Variants in EPN2 observed in about 807,000 individuals in gnomAD.
The protein encoded by EPN2 is epsin-2.
In EPN2, 34 loss-of-function variants were observed where a neutral mutation model predicts 61.7. That is an observed-to-expected ratio of 0.55 (90% CI 0.42 to 0.73). The LOEUF (loss-of-function observed/expected upper bound fraction) is 0.73, where lower values mean the gene tolerates loss of function less well. Among genes scored for constraint, EPN2 ranks in the 30% least tolerant of loss-of-function variants. The pLI is 0.00. For synonymous variants in EPN2, 349 were observed against 353.6 expected (o/e 0.99, Z 0.15); for missense variants, 714 against 839.2 (o/e 0.85, Z 1.84).
chr17:19,280,296 A>G (rs1382995845), intron 1 of EPN2, among the ~76,000 whole-genome samples: 1 of 152,220 alleles, frequency 6.6e-6, no homozygotes, highest in Non-Finnish European at 1.5e-5. Context: ...GAACATTACT[A>G]TTGATTTTGA....
At chr17:19,302,315 A>G (rs1905570934) in intron 4 of EPN2, among the ~76,000 whole-genome samples, 1 of 152,160 alleles carries the variant, frequency 6.6e-6, no homozygotes, top group Admixed American at 6.5e-5. Context: ...AGATGAGAAA[A>G]CAGGCACTGA....
chr17:19,275,162 T>TG lies in EPN2; in HGVS notation c.-293-6787dup, dbSNP rs144207718. Among the ~76,000 whole-genome samples the TG allele has an allele frequency of 6.5e-3, 986 of 152,244 alleles. 53 individuals carry two copies. The East Asian group carries it at 0.12, about 18-fold the overall frequency. On this transcript the variant is annotated intron_variant, in intron 1 of 10. Coordinates refer to ENST00000314728, the MANE Select transcript of EPN2 (RefSeq NM_014964.5). ...TCTTGGGTTGTGGGTCAACTGTGGC[T>TG]GGGGGGAGCCTGACTGATGTCTCTG...
At chr17:19,323,224 A>G (rs1479635851) in intron 7 of EPN2, among the ~76,000 whole-genome samples, 1 of 152,100 alleles carries the variant, frequency 6.6e-6, no homozygotes, top group Non-Finnish European at 1.5e-5. Flanking sequence ...CAAGGGGGGG[A>G]TTCCAGAGGA....
chr17:19,313,909 TG>T (rs759923928), intron 7 of EPN2, among the ~76,000 whole-genome samples: 4 of 152,192 alleles, frequency 2.6e-5, no homozygotes, highest in Non-Finnish European at 5.9e-5. Context: ...GGCAGGAGCA[TG>T]GCCCAGCAGG....
intron 1 of EPN2, chr17:19,273,983 T>C (rs1193754427): frequency 1.3e-5 from 2 of 152,282 alleles, no homozygotes; most frequent in Admixed American, 6.5e-5. Flanking sequence ...TTTGGTCATG[T>C]GGTCTGTGGT....
At chr17:19,289,124 A>G (rs4079586) in intron 4 of EPN2, among the ~76,000 whole-genome samples, 135,115 of 139,290 alleles carry the variant, frequency 0.97, 65,703 homozygotes, top group African/African-American at 0.99. Context: ...TTGCACTGTC[A>G]CCCAGGCTGG....
intron 4 of EPN2, among the ~76,000 whole-genome samples, chr17:19,289,156 C>T (rs2045435190): frequency 1.3e-5 from 2 of 148,530 alleles, no homozygotes; most frequent in Admixed American, 1.4e-4. Flanking sequence ...ACGATCTCCG[C>T]TTACTGCAAG....
At chr17:19,319,891 G>A (rs971840942) in intron 7 of EPN2, among the ~76,000 whole-genome samples, 1 of 152,202 alleles carries the variant, frequency 6.6e-6, no homozygotes, top group Non-Finnish European at 1.5e-5. Flanking sequence ...TGATCCACCC[G>A]CCTCGGCCTC....
intron 1 of EPN2, among the ~76,000 whole-genome samples, chr17:19,248,043 G>A (rs1305118324): frequency 2.0e-5 from 3 of 152,200 alleles, no homozygotes; most frequent in Non-Finnish European, 4.4e-5. Flanking sequence ...CTCATAGTCT[G>A]TGTGGGTTGA....
At chr17:19,238,849 G>A (rs1475630331) in intron 1 of EPN2, among the ~76,000 whole-genome samples, 8 of 152,200 alleles carry the variant, frequency 5.3e-5, no homozygotes, top group Non-Finnish European at 1.2e-4. Context: ...TTGGAACAGG[G>A]TGTTAAAATG....
chr17:19,334,160 C>T lies in EPN2; in HGVS notation c.1832C>T (p.Pro611Leu). ...GGGGCCACTGGTTCCTCTCTGACAC[C>T]ACTGGGCCCTGCAATGATGAACATG... ...ALGATGSSLT[P>L]LGPAMMNMVG... The change falls in exon 11 of 11, where the codon CCA (proline) becomes CTA (leucine). Residue 611 changes from proline to leucine, a missense_variant. By Grantham distance (98) the Pro-to-Leu change is moderately conservative. Transcript: ENST00000314728. The surrounding 1 kb of genome is among the most constrained non-coding windows in gnomAD (Gnocchi z 4.9). The T allele has an allele frequency of 6.2e-7, 1 of 1,600,860 alleles. No homozygotes were observed. Among genetic ancestry groups the T allele is most frequent in the Non-Finnish European group, 8.5e-7 (1 of 1,172,760 alleles).
rs374463577 is a variant in EPN2, at chr17:19,284,426, C to A, written c.595+712C>A. 8.5e-5 allele frequency among the ~76,000 whole-genome samples: 13 copies of A among 152,236 alleles called. No individual in the cohort carries two copies. In the East Asian group the frequency reaches 2.5e-3, roughly 29 times the overall value. On this transcript the variant is annotated intron_variant, in intron 3 of 10. Coordinates refer to ENST00000314728, the MANE Select transcript of EPN2 (RefSeq NM_014964.5). ...GAGTCACATTGGCATCCTGGCTGTT[C>A]ATTGGAAGTGGTCCCCCAACAGGTG... is the stretch of plus-strand genomic sequence containing the variant.
At chr17:19,320,616 A>ACAGCATC (rs1906595343) in intron 7 of EPN2, among the ~76,000 whole-genome samples, 1 of 152,160 alleles carries the variant, frequency 6.6e-6, no homozygotes, top group Non-Finnish European at 1.5e-5. Flanking sequence ...ATTTTACTAA[A>ACAGCATC]ATCCCTAAGA....
chr17:19,303,142 G>A (rs1476802026), intron 4 of EPN2, among the ~76,000 whole-genome samples: 4 of 152,188 alleles, frequency 2.6e-5, no homozygotes, highest in African/African-American at 7.2e-5. Flanking sequence ...TTCCTTTTAT[G>A]CTGAAATATT....
chr17:19,274,554 C>T (rs1375856469), intron 1 of EPN2, among the ~76,000 whole-genome samples: 4 of 152,114 alleles, frequency 2.6e-5, no homozygotes, highest in East Asian at 1.9e-4. Flanking sequence ...CCCTGACAGC[C>T]GAGCGTGATC....
At chr17:19,331,555 C>T (rs1907154393) in intron 9 of EPN2, among the ~76,000 whole-genome samples, 1 of 151,310 alleles carries the variant, frequency 6.6e-6, no homozygotes, top group Non-Finnish European at 1.5e-5. Context: ...GCCTAGCTTC[C>T]AACCCAAAAT....
In EPN2 at chr17:19,334,072, G is replaced by A. The variant is rs371931584; in HGVS notation, c.1744G>A (p.Gly582Ser). The change falls in exon 11 of 11, where the codon GGC (glycine) becomes AGC (serine). Residue 582 changes from glycine (G) to serine (S), a missense_variant. By Grantham distance (56) the Gly-to-Ser change is moderately conservative. Transcript: ENST00000314728. This position sits in a 1 kb window ranked among gnomAD's most constrained non-coding sequence, Gnocchi z 4.9. ...VLGTSTSFGP[G>S]PGVESMAVAS... ...GGGGACCAGCACATCCTTTGGGCCT[G>A]GCCCAGGAGTGGAGTCCATGGCTGT... 3 of 1,610,216 alleles carry A rather than the reference G, an allele frequency of 1.9e-6. No homozygotes were observed. The highest frequency in any genetic ancestry group is 2.5e-6 in the Non-Finnish European group (3 of 1,178,258).
chr17:19,311,846 C>G lies in EPN2; in HGVS notation c.880-206C>G, dbSNP rs1390074705. ...CTCCCTGGTGTGACCCCACAGGGGT[C>G]CAAGTCACAGGAGTCGCCATGAGGG... On this transcript the variant is annotated intron_variant, in intron 5 of 10. Transcript: ENST00000314728. Among the ~76,000 whole-genome samples, 4 of 152,250 alleles carry G rather than the reference C, an allele frequency of 2.6e-5. No individual in the cohort carries two copies. In the South Asian group the frequency reaches 8.3e-4, roughly 32 times the overall value.
At chr17:19,303,134 C>T (rs1395542359) in intron 4 of EPN2, among the ~76,000 whole-genome samples, 1 of 152,194 alleles carries the variant, frequency 6.6e-6, no homozygotes, top group Non-Finnish European at 1.5e-5. Flanking sequence ...GCTCTCACTT[C>T]CTTTTATGCT....
Sources: gnomAD v4.1 joint callset for allele counts (sites outside exome capture counted in the v4.1 genomes callset) on GRCh38, gnomAD v4.1.1 for gene constraint, Gnocchi (gnomAD v3.1) non-coding constraint, MANE v1.5 for transcripts, NCBI Gene and HGNC (gene_info 2026-07-23, HGNC 2026-07-21) for gene names.